CIRSR: variants seen among roughly 807,000 people sequenced by gnomAD.
The protein encoded by CIRSR is CBF1 (RBPJ) interacting corepressor 1.
chr2:174,351,381 A>C, the CIRSR span, among the ~76,000 whole-genome samples: 3 of 152,232 alleles, frequency 2.0e-5, no homozygotes, highest in Admixed American at 1.3e-4. Context: ...GTTCAGTTAG[A>C]TATTTTATCC....
the CIRSR span, chr2:174,351,554 C>T: frequency 3.0e-6 from 4 of 1,317,546 alleles, 2 homozygotes; most frequent in South Asian, 5.0e-5. Context: ...CATTAAGTAG[C>T]AATTCACAAG....
At chr2:174,386,617 A>G in the CIRSR span, among the ~76,000 whole-genome samples, 1 of 152,174 alleles carries the variant, frequency 6.6e-6, no homozygotes, top group Non-Finnish European at 1.5e-5. Context: ...ATAGCACCCC[A>G]GTCCGCAGTT....
chr2:174,349,207 G>A, the CIRSR span: 2 of 1,060,100 alleles, frequency 1.9e-6, no homozygotes, highest in South Asian at 3.7e-5. Context: ...CAGACTGTGT[G>A]AAAAACAGTT....
At chr2:174,352,010 G>A in the CIRSR span, 1 of 234,810 alleles carries the variant, frequency 4.3e-6, no homozygotes. Context: ...GCAGTTTTTA[G>A]TATAAAATCA....
the CIRSR span, among the ~76,000 whole-genome samples, chr2:174,357,331 T>C: frequency 6.6e-5 from 10 of 152,184 alleles, 1 homozygote; most frequent in African/African-American, 2.4e-4. Context: ...TTTGGGGGAA[T>C]ATATGGCAAG....
the CIRSR span, among the ~76,000 whole-genome samples, chr2:174,385,227 A>C: frequency 1.3e-5 from 2 of 151,706 alleles, no homozygotes; most frequent in African/African-American, 2.4e-5. Flanking sequence ...AAAAAAAAAA[A>C]AAAAAAAAAA....
At chr2:174,378,885 T>C in the CIRSR span, 1 of 1,398,262 alleles carries the variant, frequency 7.2e-7, no homozygotes, top group Admixed American at 1.7e-5. Flanking sequence ...TCTTTCCTTG[T>C]TTGTCCTCTC....
chr2:174,352,501 C>T, the CIRSR span, among the ~76,000 whole-genome samples: 1 of 152,154 alleles, frequency 6.6e-6, no homozygotes, highest in Admixed American at 6.5e-5. Context: ...GTAATCCCAG[C>T]ATTTTGAGAG....
chr2:174,383,674 C>T, the CIRSR span, among the ~76,000 whole-genome samples: 1 of 144,336 alleles, frequency 6.9e-6, no homozygotes, highest in Non-Finnish European at 1.5e-5. Context: ...GAGCCGAGAT[C>T]GCACCACTGC....
At chr2:174,383,835 GGCTA>G in the CIRSR span, among the ~76,000 whole-genome samples, 878 of 144,992 alleles carry the variant, frequency 6.1e-3, 13 homozygotes, top group African/African-American at 0.021. Flanking sequence ...TGCACCTACT[GGCTA>G]GCTATCTTCC....
At chr2:174,360,402 A>C in the CIRSR span, among the ~76,000 whole-genome samples, 1 of 152,238 alleles carries the variant, frequency 6.6e-6, no homozygotes, top group East Asian at 1.9e-4. Context: ...AATAGTTAGC[A>C]AAGCCTTTCC....
the CIRSR span, among the ~76,000 whole-genome samples, chr2:174,383,704 A>C: frequency 7.5e-6 from 1 of 134,142 alleles, no homozygotes; most frequent in African/African-American, 2.8e-5. Flanking sequence ...TGGGTGATAG[A>C]GTGAGACTCC....
At chr2:174,350,725 A>G in the CIRSR span, 1 of 1,609,348 alleles carries the variant, frequency 6.2e-7, no homozygotes, top group Admixed American at 1.7e-5. Flanking sequence ...GATCTTCTTC[A>G]CCCTCACTTG....
the CIRSR span, among the ~76,000 whole-genome samples, chr2:174,388,218 T>A: frequency 6.6e-6 from 1 of 152,216 alleles, no homozygotes; most frequent in South Asian, 2.1e-4. Flanking sequence ...TTTTTATTTT[T>A]GAGACGAAGT....
the CIRSR span, among the ~76,000 whole-genome samples, chr2:174,357,336 G>A: frequency 1.3e-5 from 2 of 152,060 alleles, no homozygotes; most frequent in Non-Finnish European, 2.9e-5. Flanking sequence ...GGGAATATAT[G>A]GCAAGTTTTG....
chr2:174,391,696 A>G, the CIRSR span, among the ~76,000 whole-genome samples: 1 of 152,240 alleles, frequency 6.6e-6, no homozygotes, highest in Non-Finnish European at 1.5e-5. Context: ...ATATTTTAAT[A>G]ACAGGCTGAA....
At chr2:174,348,914 C>T in the CIRSR span, 2 of 1,614,004 alleles carry the variant, frequency 1.2e-6, no homozygotes, top group East Asian at 4.5e-5. Flanking sequence ...TCTTCTTAGA[C>T]TTGTCCTTCT....
At chr2:174,356,531 A>AAAGG in the CIRSR span, among the ~76,000 whole-genome samples, 226 of 133,662 alleles carry the variant, frequency 1.7e-3, 2 homozygotes, top group African/African-American at 6.8e-3. Flanking sequence ...AAGAAAGAAG[A>AAAGG]AAGGAAGGAA....
the CIRSR span, among the ~76,000 whole-genome samples, chr2:174,363,894 T>C: frequency 6.6e-6 from 1 of 151,994 alleles, no homozygotes. Context: ...CCAAACCATA[T>C]CATCCCACCC....
Sources: gnomAD v4.1 joint callset for allele counts (sites outside exome capture counted in the v4.1 genomes callset) on GRCh38, gnomAD v4.1.1 for gene constraint, MANE v1.5 for transcripts, NCBI Gene and HGNC (gene_info 2026-07-23, HGNC 2026-07-21) for gene names.